The following MYT1L variants were observed in gnomAD, a reference collection of about 807,000 sequenced individuals.
The protein encoded by MYT1L is myelin transcription factor 1 like.
In MYT1L, 12 loss-of-function variants were observed where a neutral mutation model predicts 126.7. The observed-to-expected ratio is 0.09, with a 90% CI of 0.06 to 0.15. MYT1L has a LOEUF of 0.15. MYT1L is among the 10% of genes least tolerant of loss of function. The probability of loss-of-function intolerance (pLI) is 1.00; values close to 1 mark genes in which losing one functional copy is unlikely to be tolerated. For synonymous variants in MYT1L, 541 were observed against 604.2 expected, an observed-to-expected ratio of 0.90 and a Z score of 1.53; for missense variants, 979 against 1,585.2, an observed-to-expected ratio of 0.62 and a Z score of 6.49.
intron 2 of MYT1L, among the ~76,000 whole-genome samples, chr2:2,189,261 G>A (rs1572294554): frequency 6.6e-6 from 1 of 152,204 alleles, no homozygotes; most frequent in Non-Finnish European, 1.5e-5. Context: ...TGCTCACAAT[G>A]TTCTCCTGGA....
At chr2:2,077,795 G>C in intron 3 of MYT1L, among the ~76,000 whole-genome samples, 1 of 152,092 alleles carries the variant, frequency 6.6e-6, no homozygotes, top group Middle Eastern at 3.2e-3. Flanking sequence ...GCTAGAAGAC[G>C]TGTCGTTTTA....
At chr2:2,073,006 T>C (rs548209658) in intron 3 of MYT1L, among the ~76,000 whole-genome samples, 245 of 152,244 alleles carry the variant, frequency 1.6e-3, no homozygotes, top group Non-Finnish European at 2.9e-3. Flanking sequence ...TTTTGGTTTG[T>C]AGACAGTGTC....
At position 1,793,796 on chromosome 2, in the gene MYT1L, C is replaced by G. The variant is rs1179120049; in HGVS notation, c.3277-1332G>C. Among the ~76,000 whole-genome samples the G allele has an allele frequency of 1.3e-5, 2 of 152,140 alleles. No individual in the cohort carries two copies. The highest frequency in any genetic ancestry group is 4.8e-5 in the African/African-American group (2 of 41,422). ...CCTGGGTGACCTTCTCATTCGTGTT[C>G]TTTGGGGTTATTTATCAAATTAATG... On this transcript the variant is annotated intron_variant, in intron 23 of 24. Transcript: ENST00000647738. This position sits in a 1 kb window ranked among gnomAD's most constrained non-coding sequence, Gnocchi z 4.6.
rs147665471 is a variant in MYT1L at position 2,240,780 on chromosome 2, C to T, written c.-421+43624G>A. On this transcript the variant is annotated intron_variant, in intron 2 of 24. Transcript: ENST00000647738. ...ACGGTGTCACTCTCCCCGCCAGCCC[C>T]GCGTGCCAGCGGCCTTAGTTAGAGG... Among the ~76,000 whole-genome samples the T allele has an allele frequency of 1.7e-3, 265 of 152,318 alleles. 1 individual carries two copies. Among genetic ancestry groups the T allele is most frequent in the African/African-American group, 6.1e-3 (252 of 41,570 alleles).
At chr2:1,928,767 T>C (rs1461137870) in intron 9 of MYT1L, among the ~76,000 whole-genome samples, 4 of 152,146 alleles carry the variant, frequency 2.6e-5, no homozygotes, top group Admixed American at 6.5e-5. Flanking sequence ...GCCAGCTTAG[T>C]GAGCCTGCCA....
chr2:2,079,096 G>T (rs935041091), intron 3 of MYT1L, among the ~76,000 whole-genome samples: 1 of 152,084 alleles, frequency 6.6e-6, no homozygotes, highest in Non-Finnish European at 1.5e-5. Context: ...TCTTGATCTT[G>T]GACTTCCCAG....
chr2:2,299,469 C>G (rs962128688), intron 1 of MYT1L, among the ~76,000 whole-genome samples: 1 of 152,178 alleles, frequency 6.6e-6, no homozygotes, highest in Admixed American at 6.5e-5. Flanking sequence ...GAGTGTGCAC[C>G]AGTTAGTTTG....
In MYT1L at chr2:1,910,655, C is replaced by T. The variant is rs181423923; in HGVS notation, c.1710-308G>A. On this transcript the variant is annotated intron_variant, in intron 12 of 24. Transcript: ENST00000647738. The surrounding 1 kb of genome is among the most constrained non-coding windows in gnomAD (Gnocchi z 4.8). ...TTCGGGAGGACATAGCTGGTGAAAACTGTAGACAGATTCCATTTCTGGAGA... is the reference window on the plus strand; with the variant it reads ...TTCGGGAGGACATAGCTGGTGAAAATTGTAGACAGATTCCATTTCTGGAGA... 2.6e-5 allele frequency among the ~76,000 whole-genome samples: 4 copies of T among 152,132 alleles called. No individual in the cohort carries two copies. The highest frequency in any genetic ancestry group is 2.0e-4 in the Admixed American group (3 of 15,280).
rs543433959 is a variant in MYT1L, at chr2:2,262,777, A to G, written c.-421+21627T>C. 4.5e-4 allele frequency among the ~76,000 whole-genome samples: 68 copies of G among 151,036 alleles called. 1 individual carries two copies. The highest frequency in any genetic ancestry group is 1.6e-3 in the African/African-American group (66 of 41,148). On this transcript the variant is annotated intron_variant, in intron 2 of 24. Transcript: ENST00000647738. ...TGGTTGGAGCTTTTCTAGCCCGCCC[A>G]AAGTCCAAATGACTTCTGTCCAATT...
At chr2:2,023,381 C>T (rs1167420659) in intron 4 of MYT1L, among the ~76,000 whole-genome samples, 1 of 152,226 alleles carries the variant, frequency 6.6e-6, no homozygotes, top group East Asian at 1.9e-4. Context: ...TGGATGTTGC[C>T]TGTGGATGGT....
chr2:2,312,876 C>T (rs1013673391), intron 1 of MYT1L, among the ~76,000 whole-genome samples: 8 of 151,812 alleles, frequency 5.3e-5, no homozygotes, highest in African/African-American at 1.9e-4. Context: ...TGGCCAGAAG[C>T]AAGCAGAGAG....
intron 1 of MYT1L, among the ~76,000 whole-genome samples, chr2:2,296,118 A>G (rs767699335): frequency 1.3e-5 from 2 of 152,236 alleles, no homozygotes; most frequent in Non-Finnish European, 2.9e-5. Context: ...GGAGGTGCCT[A>G]TAAACCAAGC....
chr2:1,973,781 T>C (rs2059974646), intron 8 of MYT1L, among the ~76,000 whole-genome samples: 1 of 152,206 alleles, frequency 6.6e-6, no homozygotes, highest in African/African-American at 2.4e-5. Context: ...CCCGTGATGC[T>C]TCCCCTGCTC....
chr2:1,917,437 T>C lies in MYT1L; in HGVS notation c.1484-98A>G. On this transcript the variant is annotated intron_variant, in intron 10 of 24. Transcript: ENST00000647738. The surrounding 1 kb of genome is among the most constrained non-coding windows in gnomAD (Gnocchi z 5.9). ...GAAGAAACCTTGCTAAAGAAAGAAA[T>C]AAAGCAGGTGTCGGGGGCTAGGCTG... is the stretch of plus-strand genomic sequence containing the variant. 2.1e-6 allele frequency: 3 copies of C among 1,435,628 alleles called. No individual in the cohort carries two copies. The highest frequency in any genetic ancestry group is 2.8e-6 in the Non-Finnish European group (3 of 1,056,928). 88.9% of individuals were successfully genotyped at this position (1,435,628 alleles called of 1,614,324 possible).
At chr2:2,053,113 T>C (rs2069039413) in intron 4 of MYT1L, among the ~76,000 whole-genome samples, 1 of 152,180 alleles carries the variant, frequency 6.6e-6, no homozygotes, top group Non-Finnish European at 1.5e-5. Flanking sequence ...TTCTACGACA[T>C]GGCTGGATGT....
chr2:2,173,815 A>G (rs2148557458), intron 2 of MYT1L, among the ~76,000 whole-genome samples: 1 of 152,330 alleles, frequency 6.6e-6, no homozygotes, highest in South Asian at 2.1e-4. Context: ...TGTCAGGAGA[A>G]CGAAGAGACC....
Position 1,943,370 on chromosome 2 carries a change from G to GAAAA in MYT1L, c.153-40_153-37dup. On this transcript the variant is annotated intron_variant, in intron 8 of 24. Transcript: ENST00000647738. The surrounding 1 kb of genome is among the most constrained non-coding windows in gnomAD (Gnocchi z 4.4). ...AAATAGAGAAGGCAGGGGAGAGAGA[G>GAAAA]AAAAAAAATATCTGTGTTACTGTCT... 1.3e-6 allele frequency: 2 copies of GAAAA among 1,488,520 alleles called. No homozygotes were observed. The highest frequency in any genetic ancestry group is 5.1e-5 in the Admixed American group (2 of 38,978). The allele number at this position is 1,488,520 out of a possible 1,614,324, so 92.2% of individuals were successfully genotyped here.
chr2:2,168,763 T>C (rs539062127), intron 3 of MYT1L, among the ~76,000 whole-genome samples: 79 of 152,306 alleles, frequency 5.2e-4, no homozygotes, highest in African/African-American at 1.9e-3. Context: ...CGGTTGTTTG[T>C]GCTTCTGCTA....
chr2:1,947,019 C>T (rs1558497604), intron 8 of MYT1L, among the ~76,000 whole-genome samples: 1 of 152,180 alleles, frequency 6.6e-6, no homozygotes, highest in Non-Finnish European at 1.5e-5. Flanking sequence ...CTTTTCCCAG[C>T]TTCCTTCTCC....
Sources: gnomAD v4.1 joint callset for allele counts (sites outside exome capture counted in the v4.1 genomes callset) on GRCh38, gnomAD v4.1.1 for gene constraint, Gnocchi (gnomAD v3.1) non-coding constraint, MANE v1.5 for transcripts, NCBI Gene and HGNC (gene_info 2026-07-23, HGNC 2026-07-21) for gene names.